The following RBFOX1 variants were observed in gnomAD, a reference collection of about 807,000 sequenced individuals.
The protein encoded by RBFOX1 is RNA binding fox-1 homolog 1, also known as RNA binding protein fox-1 homolog 1.
A neutral mutation model predicts 57.7 loss-of-function variants in RBFOX1; 8 were observed. The ratio of observed to expected loss-of-function variants is 0.14; its 90% CI spans 0.08 to 0.25. RBFOX1 has a LOEUF of 0.25. Among genes scored for constraint, RBFOX1 ranks in the 10% least tolerant of loss-of-function variants. The probability of loss-of-function intolerance (pLI) is 1.00; values close to 1 mark genes in which losing one functional copy is unlikely to be tolerated. For missense variants in RBFOX1, 611 were observed against 548.5 expected (o/e 1.11, Z -1.14); for synonymous variants, 326 against 222.4 (o/e 1.47, Z -4.15).
intron 4 of RBFOX1, among the ~76,000 whole-genome samples, chr16:7,326,673 C>G (rs1403908709): frequency 6.6e-6 from 1 of 152,010 alleles, no homozygotes; most frequent in African/African-American, 2.4e-5. Flanking sequence ...CCATCTTAGC[C>G]CTGATGGGAG....
intron 4 of RBFOX1, among the ~76,000 whole-genome samples, chr16:7,120,128 G>C (rs1367676239): frequency 6.6e-6 from 1 of 152,040 alleles, no homozygotes; most frequent in East Asian, 1.9e-4. Flanking sequence ...GTCTCAAGGG[G>C]AATTATAGAA....
At chr16:7,006,684 G>A (rs916908523) in intron 3 of RBFOX1, among the ~76,000 whole-genome samples, 2 of 152,158 alleles carry the variant, frequency 1.3e-5, no homozygotes, top group African/African-American at 4.8e-5. Flanking sequence ...CTGGACTCAA[G>A]TGATCGTCCT....
chr16:6,450,811 A>ATACATATATATATG lies in RBFOX1; in HGVS notation c.-64+133756_-64+133757insCATATATATATGTA, dbSNP rs1567303325. On this transcript the variant is annotated intron_variant, in intron 2 of 15. Coordinates refer to ENST00000550418, the MANE Select transcript of RBFOX1 (RefSeq NM_018723.4). ...TATACATATATATATGTATATATAT[A>ATACATATATATATG]TATATACATATATATATATATATAT... is the stretch of plus-strand genomic sequence containing the variant. Among the ~76,000 whole-genome samples, 130 of 24,120 alleles carry ATACATATATATATG rather than the reference A, an allele frequency of 5.4e-3. 9 individuals are homozygous for ATACATATATATATG. The highest frequency in any genetic ancestry group is 0.035 in the South Asian group (30 of 850). 15.8% of individuals were successfully genotyped at this position (24,120 alleles called of 152,430 possible). A position where few individuals can be genotyped will look rare whatever the true frequency, so the allele number is the denominator to read the frequency against.
At chr16:6,283,656 C>T (rs1054924164) in intron 1 of RBFOX1, among the ~76,000 whole-genome samples, 4 of 152,196 alleles carry the variant, frequency 2.6e-5, no homozygotes, top group Admixed American at 6.5e-5. Flanking sequence ...TTTGTCCCTA[C>T]GTGCCGTTAG....
intron 2 of RBFOX1, among the ~76,000 whole-genome samples, chr16:6,514,233 G>C (rs933464296): frequency 3.9e-5 from 6 of 152,100 alleles, no homozygotes; most frequent in Non-Finnish European, 7.4e-5. Context: ...AGGATGTTTA[G>C]AATGCCATTT....
At chr16:5,682,570 A>G (rs1026628310) in intron 3 of RBFOX1, among the ~76,000 whole-genome samples, 6 of 152,170 alleles carry the variant, frequency 3.9e-5, no homozygotes, top group Admixed American at 2.0e-4. Flanking sequence ...ATTACTTTAA[A>G]TCCTTGTGAA....
chr16:7,180,065 G>A (rs1157933544), intron 4 of RBFOX1, among the ~76,000 whole-genome samples: 2 of 151,990 alleles, frequency 1.3e-5, no homozygotes, highest in African/African-American at 2.4e-5. Context: ...TTTGAACAGA[G>A]CCTGCTTTTC....
chr16:7,407,168 C>A (rs1455967615), intron 4 of RBFOX1, among the ~76,000 whole-genome samples: 1 of 152,120 alleles, frequency 6.6e-6, no homozygotes, highest in African/African-American at 2.4e-5. Flanking sequence ...ATCACCAGAG[C>A]AGTATACACT....
intron 2 of RBFOX1, among the ~76,000 whole-genome samples, chr16:5,584,956 A>T (rs1050345061): frequency 6.6e-6 from 1 of 151,588 alleles, no homozygotes; most frequent in African/African-American, 2.4e-5. Flanking sequence ...AAAGGGAGGG[A>T]TAGAAGTCTG....
At chr16:6,856,153 C>T (rs1175862842) in intron 3 of RBFOX1, among the ~76,000 whole-genome samples, 2 of 150,760 alleles carry the variant, frequency 1.3e-5, no homozygotes, top group Admixed American at 6.6e-5. Flanking sequence ...TTCCCTTTAC[C>T]TTCCTTGCTT....
At chr16:7,206,312 G>C (rs917036645) in intron 4 of RBFOX1, among the ~76,000 whole-genome samples, 3 of 152,006 alleles carry the variant, frequency 2.0e-5, no homozygotes, top group Non-Finnish European at 4.4e-5. Context: ...TTTTCAGGTT[G>C]TGTACCATGC....
At chr16:5,937,923 T>C (rs1358255315) in intron 4 of RBFOX1, among the ~76,000 whole-genome samples, 1 of 152,074 alleles carries the variant, frequency 6.6e-6, no homozygotes, top group Admixed American at 6.6e-5. Context: ...TTCTTATCGA[T>C]GTCAAATATA....
chr16:6,296,545 C>A (rs994467814), intron 1 of RBFOX1, among the ~76,000 whole-genome samples: 1 of 151,944 alleles, frequency 6.6e-6, no homozygotes, highest in African/African-American at 2.4e-5. Context: ...CTCAGCCTCC[C>A]GTGTAGCTGG....
intron 4 of RBFOX1, among the ~76,000 whole-genome samples, chr16:7,302,324 C>A (rs1045314686): frequency 2.0e-5 from 3 of 152,156 alleles, no homozygotes; most frequent in African/African-American, 7.2e-5. Flanking sequence ...AATTAGTTTT[C>A]TTTTCTTCAG....
intron 14 of RBFOX1, among the ~76,000 whole-genome samples, chr16:7,695,408 C>T (rs1288638155): frequency 6.6e-6 from 1 of 151,910 alleles, no homozygotes; most frequent in Non-Finnish European, 1.5e-5. Flanking sequence ...AAAAAACCTG[C>T]TTTGGGAGGC....
chr16:6,448,776 G>C (rs1176418002), intron 2 of RBFOX1, among the ~76,000 whole-genome samples: 3 of 151,958 alleles, frequency 2.0e-5, no homozygotes, highest in East Asian at 1.9e-4. Flanking sequence ...GTATTTTTTT[G>C]TGCCTTCAGC....
intron 2 of RBFOX1, among the ~76,000 whole-genome samples, chr16:6,365,218 G>A (rs1441822298): frequency 2.0e-5 from 3 of 152,306 alleles, no homozygotes; most frequent in Non-Finnish European, 2.9e-5. Flanking sequence ...GTAGATGAAT[G>A]GATAGATGGG....
chr16:7,661,754 G>GTATT (rs2067809596), intron 12 of RBFOX1, among the ~76,000 whole-genome samples: 1 of 152,176 alleles, frequency 6.6e-6, no homozygotes, highest in African/African-American at 2.4e-5. Context: ...GAAATAGTAT[G>GTATT]TATTTGGCTT....
At chr16:5,988,911 G>A (rs756524642) in intron 4 of RBFOX1, among the ~76,000 whole-genome samples, 1 of 152,118 alleles carries the variant, frequency 6.6e-6, no homozygotes, top group Non-Finnish European at 1.5e-5. Flanking sequence ...TATCGCTCTG[G>A]CTTTAGATGG....
Sources: gnomAD v4.1 joint callset for allele counts (sites outside exome capture counted in the v4.1 genomes callset) on GRCh38, gnomAD v4.1.1 for gene constraint, MANE v1.5 for transcripts, NCBI Gene and HGNC (gene_info 2026-07-23, HGNC 2026-07-21) for gene names.